Variants in RARB observed in about 807,000 individuals in gnomAD.
The protein encoded by RARB is retinoic acid receptor beta.
A neutral mutation model predicts 51.9 loss-of-function variants in RARB; 17 were observed. The observed-to-expected ratio is 0.33, with a 90% CI of 0.22 to 0.49. The LOEUF (loss-of-function observed/expected upper bound fraction) is 0.49. Ranked by LOEUF, RARB falls within the 20% of genes least tolerant of loss-of-function variation. The pLI is 0.99. For missense variants in RARB, 369 were observed against 550.8 expected (o/e 0.67, Z 3.30); for synonymous variants, 215 against 195.4 (o/e 1.10, Z -0.84).
chr3:24,915,937 A>C (rs1040457070), intron 2 of RARB, among the ~76,000 whole-genome samples: 1 of 152,152 alleles, frequency 6.6e-6, no homozygotes, highest in Non-Finnish European at 1.5e-5. Context: ...GCAGAAAAGC[A>C]AGTTCACAGG....
intron 3 of RARB, among the ~76,000 whole-genome samples, chr3:25,072,561 T>C (rs1045919363): frequency 2.6e-5 from 4 of 152,164 alleles, no homozygotes; most frequent in African/African-American, 9.7e-5. Flanking sequence ...TTTAAGAGCT[T>C]CTGGGTTTTC....
intron 5 of RARB, among the ~76,000 whole-genome samples, chr3:25,286,223 G>A: frequency 6.6e-6 from 1 of 150,658 alleles, no homozygotes. Flanking sequence ...CAAGTAGCTG[G>A]GACTACAGGC....
At chr3:25,160,754 A>G (rs1284622999) in intron 4 of RARB, among the ~76,000 whole-genome samples, 1 of 152,180 alleles carries the variant, frequency 6.6e-6, no homozygotes, top group Non-Finnish European at 1.5e-5. Flanking sequence ...GCTAAAGTCA[A>G]GGTGCCGCCA....
intron 5 of RARB, among the ~76,000 whole-genome samples, chr3:25,356,881 A>T (rs1046475093): frequency 6.6e-6 from 1 of 152,136 alleles, no homozygotes; most frequent in Non-Finnish European, 1.5e-5. Flanking sequence ...TCCATGGTGT[A>T]TATGTGCCAC....
At chr3:25,546,906 T>C (rs1389344776) in intron 3 of RARB, among the ~76,000 whole-genome samples, 1 of 152,222 alleles carries the variant, frequency 6.6e-6, no homozygotes, top group South Asian at 2.1e-4. Flanking sequence ...CAAATAGTCT[T>C]TGAAAAGATT....
chr3:24,971,147 T>C (rs1440340219), intron 2 of RARB, among the ~76,000 whole-genome samples: 1 of 152,022 alleles, frequency 6.6e-6, no homozygotes, highest in Non-Finnish European at 1.5e-5. Flanking sequence ...TAATGACATC[T>C]ATTGAAGGGT....
chr3:25,363,866 G>A (rs564356725), intron 5 of RARB, among the ~76,000 whole-genome samples: 19 of 152,168 alleles, frequency 1.2e-4, no homozygotes, highest in Non-Finnish European at 1.9e-4. Flanking sequence ...CACATTGGCC[G>A]CCTTTGCTGT....
exon 5 of RARB, chr3:25,174,559 C>T (rs1486283276): frequency 7.4e-7 from 1 of 1,352,148 alleles, no homozygotes; most frequent in Non-Finnish European, 9.8e-7. Context: ...GTGGATGCAG[C>T]ACCCCGTCGC....
chr3:25,466,880 G>A (rs1445553172), intron 2 of RARB, among the ~76,000 whole-genome samples: 4 of 152,206 alleles, frequency 2.6e-5, no homozygotes, highest in East Asian at 1.9e-4. Flanking sequence ...CAGTGGACCA[G>A]ATTTGGCCCT....
chr3:25,197,622 A>G (rs1025219859), intron 5 of RARB, among the ~76,000 whole-genome samples: 5 of 152,078 alleles, frequency 3.3e-5, no homozygotes, highest in Non-Finnish European at 7.4e-5. Context: ...ACAAAATATC[A>G]GTAGCATTTC....
chr3:25,390,637 A>G (rs556687809), intron 5 of RARB, among the ~76,000 whole-genome samples: 1 of 152,326 alleles, frequency 6.6e-6, no homozygotes, highest in South Asian at 2.1e-4. Flanking sequence ...ATCTATTCAA[A>G]TAGAATAACC....
At chr3:24,980,492 T>C (rs1354526503) in intron 2 of RARB, among the ~76,000 whole-genome samples, 1 of 152,148 alleles carries the variant, frequency 6.6e-6, no homozygotes, top group Non-Finnish European at 1.5e-5. Flanking sequence ...AATCTTGTCT[T>C]CTCACTTTAT....
intron 4 of RARB, among the ~76,000 whole-genome samples, chr3:25,153,109 C>G (rs1002560585): frequency 2.0e-5 from 3 of 149,820 alleles, no homozygotes; most frequent in African/African-American, 7.4e-5. Context: ...CATTCATAAT[C>G]CAAACCAACC....
At chr3:25,273,115 T>C (rs1410314199) in intron 5 of RARB, among the ~76,000 whole-genome samples, 1 of 152,130 alleles carries the variant, frequency 6.6e-6, no homozygotes, top group Non-Finnish European at 1.5e-5. Flanking sequence ...CCTCAATGTA[T>C]TGGGGGAACA....
intron 5 of RARB, among the ~76,000 whole-genome samples, chr3:25,322,577 A>G (rs554666307): frequency 6.7e-6 from 1 of 150,304 alleles, no homozygotes; most frequent in East Asian, 2.1e-4. Context: ...GGAAGGATAC[A>G]AACAAAATTT....
chr3:24,949,927 C>T (rs1420988161), intron 2 of RARB, among the ~76,000 whole-genome samples: 1 of 152,166 alleles, frequency 6.6e-6, no homozygotes, highest in African/African-American at 2.4e-5. Flanking sequence ...CCGGATTCTC[C>T]AGCCAGTCAT....
intron 4 of RARB, among the ~76,000 whole-genome samples, chr3:25,132,927 C>G (rs375825492): frequency 1.8e-5 from 2 of 113,754 alleles, no homozygotes; most frequent in Non-Finnish European, 3.7e-5. Flanking sequence ...AGGACTTACT[C>G]CATATTTAAC....
intron 1 of RARB, among the ~76,000 whole-genome samples, chr3:25,450,804 G>A (rs1297995849): frequency 3.3e-5 from 5 of 152,108 alleles, no homozygotes; most frequent in Admixed American, 1.3e-4. Flanking sequence ...ACCCCTACCC[G>A]GCCGGGTGCG....
intron 2 of RARB, among the ~76,000 whole-genome samples, chr3:24,971,096 T>A (rs1696388332): frequency 6.6e-6 from 1 of 151,920 alleles, no homozygotes; most frequent in African/African-American, 2.4e-5. Flanking sequence ...ATGGCAAAAA[T>A]AATCAGATCC....
Sources: allele counts gnomAD v4.1 joint callset (sites outside exome capture counted in the v4.1 genomes callset), GRCh38; gene constraint gnomAD v4.1.1; transcripts MANE v1.5; gene names NCBI Gene and HGNC (gene_info 2026-07-23, HGNC 2026-07-21).